Variants in ANO1 observed in about 807,000 individuals in gnomAD.
ANO1 encodes the protein anoctamin-1.
A neutral mutation model predicts 124.0 loss-of-function variants in ANO1; 59 were observed. The observed-to-expected ratio is 0.48, with a 90% confidence interval of 0.39 to 0.59. The LOEUF (loss-of-function observed/expected upper bound fraction) is 0.59. Ranked by LOEUF, ANO1 falls within the 20% of genes least tolerant of loss-of-function variation. The pLI is 0.00. For missense variants in ANO1, 1,059 were observed against 1,328.0 expected (o/e 0.80, Z 3.15); for synonymous variants, 529 against 532.0 (o/e 0.99, Z 0.08).
rs145534053 is a variant in ANO1 at position 70,112,920 on chromosome 11, G to A, written c.855+1158G>A. Among the ~76,000 whole-genome samples the A allele has an allele frequency of 7.3e-3, 1,118 of 152,264 alleles. 7 individuals are homozygous for A. The highest frequency in any genetic ancestry group is 0.028 in the South Asian group (136 of 4,824). ...GACAAACTTGAGGTGCAGGGATCCCGCAGGGCAGTTCAGGGGTGTATTCTC... is the reference window on the plus strand; with the variant it reads ...GACAAACTTGAGGTGCAGGGATCCCACAGGGCAGTTCAGGGGTGTATTCTC... On this transcript the variant is annotated intron_variant, in intron 7 of 25. Transcript: ENST00000355303.
chr11:70,122,174 C>CCT (rs1367702599), intron 8 of ANO1, among the ~76,000 whole-genome samples: 1 of 125,512 alleles, frequency 8.0e-6, no homozygotes, highest in African/African-American at 3.1e-5. Flanking sequence ...ATCTCCCCCA[C>CCT]CTCTCTGTCT....
chr11:70,046,664 G>C lies in ANO1; in HGVS notation c.59-31878G>C, dbSNP rs1857264332. ...TCCAGGTGGCAAAGAACTCCTCAAA[G>C]CTGAATGAGTCAGGTCAGAAAGACA... On this transcript the variant is annotated intron_variant, in intron 1 of 27. Coordinates refer to the ANO1 transcript ENST00000531349. Among the ~76,000 whole-genome samples the C allele has an allele frequency of 2.0e-5, 3 of 152,212 alleles. No individual in the cohort carries two copies. In the South Asian group the frequency reaches 6.2e-4, roughly 32 times the overall value.
chr11:69,999,975 C>T (rs2120351325), intron 1 of ANO1, among the ~76,000 whole-genome samples: 1 of 152,208 alleles, frequency 6.6e-6, no homozygotes. Context: ...GAGCACGGCC[C>T]ATACTGCTTT....
Position 70,000,574 on chromosome 11 carries a change from G to GAGACTGATACTCTGGA in ANO1, c.58+14418_58+14433dup, listed in dbSNP as rs542026883. Among the ~76,000 whole-genome samples, 695 of 151,892 alleles carry GAGACTGATACTCTGGA rather than the reference G, an allele frequency of 4.6e-3. 6 individuals are homozygous for GAGACTGATACTCTGGA. Among genetic ancestry groups the GAGACTGATACTCTGGA allele is most frequent in the Non-Finnish European group, 5.2e-3 (356 of 67,960 alleles). On this transcript the variant is annotated intron_variant, in intron 1 of 27. Coordinates refer to the ANO1 transcript ENST00000531349. ...CCCTTGCCTACTGCTCATGGGTGTGGAGACTGATACTCTGGAAGACTGATA... is the reference window on the plus strand; with the variant it reads ...CCCTTGCCTACTGCTCATGGGTGTGGAGACTGATACTCTGGAAGACTGATACTCTGGAAGACTGATA...
At chr11:70,149,059 G>C (rs1250552309) in intron 11 of ANO1, among the ~76,000 whole-genome samples, 2 of 152,192 alleles carry the variant, frequency 1.3e-5, no homozygotes, top group African/African-American at 2.4e-5. Flanking sequence ...TTTGAAGCCC[G>C]AGTGAGTGAG....
chr11:70,167,125 CAAA>C (rs1464791394), intron 20 of ANO1, 114 bp from the exon 21 acceptor site: 7 of 1,344,410 alleles, frequency 5.2e-6, no homozygotes, highest in Non-Finnish European at 7.0e-6. Flanking sequence ...CCAGCCTGAG[CAAA>C]AAGAGTGAAA....
intron 1 of ANO1, among the ~76,000 whole-genome samples, chr11:70,041,920 A>T (rs72939639): frequency 6.6e-6 from 1 of 152,142 alleles, no homozygotes; most frequent in East Asian, 1.9e-4. Flanking sequence ...CCAACATACC[A>T]TCAGCAATAA....
At chr11:69,969,447 C>T in the ANO1 span, among the ~76,000 whole-genome samples, 42 of 152,262 alleles carry the variant, frequency 2.8e-4, no homozygotes, top group East Asian at 7.6e-3. Flanking sequence ...TGGAGTCAAG[C>T]GGCTGTGCTT....
intron 2 of ANO1, among the ~76,000 whole-genome samples, chr11:70,102,628 C>G (rs1255609694): frequency 6.6e-6 from 1 of 152,218 alleles, no homozygotes; most frequent in East Asian, 1.9e-4. Context: ...TTCAGTCGTC[C>G]CCTCCTCGGC....
At chr11:70,047,338 A>G (rs1412017273) in intron 1 of ANO1, among the ~76,000 whole-genome samples, 1 of 152,144 alleles carries the variant, frequency 6.6e-6, no homozygotes, top group Non-Finnish European at 1.5e-5. Context: ...ACCCAAAAGT[A>G]TTCTACAAAA....
rs11357130 is a variant in ANO1, at chr11:70,112,553, C to CTT, written c.855+807_855+808dup. 4.2e-3 allele frequency among the ~76,000 whole-genome samples: 579 copies of CTT among 136,800 alleles called. 3 individuals are homozygous for CTT. The highest frequency in any genetic ancestry group is 9.0e-3 in the African/African-American group (332 of 37,032). The allele number at this position is 136,800 out of a possible 152,430, so 89.7% of individuals were successfully genotyped here. A position where few individuals can be genotyped will look rare whatever the true frequency, so the allele number is the denominator to read the frequency against. ...CTTGTCCTAACTCCTCTTTTCTTTT[C>CTT]TTTTTTTTTTTTTTTTTGAAACAAG... On this transcript the variant is annotated intron_variant, in intron 7 of 25. Coordinates refer to ENST00000355303, the MANE Select transcript of ANO1 (RefSeq NM_018043.7).
At chr11:70,086,082 T>C (rs1340472393) in intron 1 of ANO1, among the ~76,000 whole-genome samples, 1 of 152,204 alleles carries the variant, frequency 6.6e-6, no homozygotes, top group African/African-American at 2.4e-5. Flanking sequence ...TCTCGGATGA[T>C]GCCCCTCGGG....
chr11:70,162,037 C>T (rs1193739492), intron 18 of ANO1, among the ~76,000 whole-genome samples: 1 of 148,206 alleles, frequency 6.7e-6, no homozygotes, highest in East Asian at 2.0e-4. Context: ...GTGGGGACCC[C>T]AGGCAGTGAG....
At chr11:70,089,974 C>A (rs945314265) in intron 2 of ANO1, among the ~76,000 whole-genome samples, 1 of 151,384 alleles carries the variant, frequency 6.6e-6, no homozygotes, top group African/African-American at 2.4e-5. Flanking sequence ...GTCCTTGTGT[C>A]TCATCTGTTC....
chr11:70,001,773 ATGTGTGTG>A (rs140043461), intron 1 of ANO1, among the ~76,000 whole-genome samples: 2 of 150,242 alleles, frequency 1.3e-5, no homozygotes, highest in African/African-American at 2.5e-5. Context: ...CTTCAATAAG[ATGTGTGTG>A]TGTGTGTGTG....
At chr11:70,164,635 T>C (rs2048183848) in intron 19 of ANO1, among the ~76,000 whole-genome samples, 1 of 152,334 alleles carries the variant, frequency 6.6e-6, no homozygotes, top group South Asian at 2.1e-4. Context: ...TCACTGGTGT[T>C]CCCTTTGCTT....
rs1227458313 is a variant in ANO1 at position 70,169,994 on chromosome 11, GATGCAGC to G, written c.2198-890_2198-884del. Reference sequence around the variant, plus strand: ...TCTCCTAGAGCCTAGCCCCATGCTGGATGCAGCATCCAAAGCCAGAGAAGCCCCAGAG... The same window carrying G: ...TCTCCTAGAGCCTAGCCCCATGCTGGATCCAAAGCCAGAGAAGCCCCAGAG... On this transcript the variant is annotated intron_variant, in intron 21 of 25. Coordinates refer to ENST00000355303, the MANE Select transcript of ANO1 (RefSeq NM_018043.7). The G allele has an allele frequency of 8.2e-6, 3 of 365,304 alleles. No homozygotes were observed. The East Asian group carries it at 2.3e-4, about 28-fold the overall frequency. The allele number at this position is 365,304 out of a possible 1,614,324, so 22.6% of individuals were successfully genotyped here.
chr11:69,988,222 A>T (rs1342369554), intron 1 of ANO1, among the ~76,000 whole-genome samples: 1 of 152,178 alleles, frequency 6.6e-6, no homozygotes, highest in African/African-American at 2.4e-5. Flanking sequence ...GGAGAACAGA[A>T]AGAGGTCTGG....
At chr11:70,106,764 C>T (rs988860392) in intron 5 of ANO1, among the ~76,000 whole-genome samples, 4 of 152,212 alleles carry the variant, frequency 2.6e-5, no homozygotes, top group Non-Finnish European at 4.4e-5. Flanking sequence ...TAGGCAAAGC[C>T]GTGGAGAACT....
Sources: gnomAD v4.1 joint callset for allele counts (sites outside exome capture counted in the v4.1 genomes callset) on GRCh38, gnomAD v4.1.1 for gene constraint, MANE v1.5 for transcripts, NCBI Gene and HGNC (gene_info 2026-07-23, HGNC 2026-07-21) for gene names.